The following CIMIP2A variants were observed in gnomAD, a reference collection of about 807,000 sequenced individuals.
The protein encoded by CIMIP2A is ciliary microtubule inner protein 2A.
the CIMIP2A span, chr9:137,247,680 C>T: frequency 2.3e-5 from 37 of 1,613,238 alleles, no homozygotes; most frequent in South Asian, 2.3e-4. Flanking sequence ...AGTGAGGCTC[C>T]GGCGTGAAGA....
the CIMIP2A span, chr9:137,252,756 G>A: frequency 6.4e-7 from 1 of 1,560,348 alleles, no homozygotes; most frequent in African/African-American, 1.4e-5. Context: ...ACACCTGAAG[G>A]CCACACCCAC....
At chr9:137,254,395 GGGAACA>G in the CIMIP2A span, among the ~76,000 whole-genome samples, 3 of 81,316 alleles carry the variant, frequency 3.7e-5, no homozygotes, top group African/African-American at 9.9e-5. Flanking sequence ...CCCGGCTTGT[GGGAACA>G]GGAGCTCTGC....
the CIMIP2A span, chr9:137,247,692 A>G: frequency 6.2e-7 from 1 of 1,613,248 alleles, no homozygotes; most frequent in Non-Finnish European, 8.5e-7. Flanking sequence ...GCGTGAAGAG[A>G]TCGTGTTTCT....
At chr9:137,245,042 T>C in the CIMIP2A span, 9 of 1,609,132 alleles carry the variant, frequency 5.6e-6, no homozygotes, top group East Asian at 6.7e-5. Flanking sequence ...GCAAGAACCT[T>C]GTGGGGAGGG....
the CIMIP2A span, chr9:137,253,173 G>A: frequency 1.6e-5 from 25 of 1,604,278 alleles, no homozygotes; most frequent in African/African-American, 6.7e-5. Flanking sequence ...GCTTCCCTTC[G>A]GCGCCTGGCG....
At chr9:137,252,470 G>A in the CIMIP2A span, 10 of 1,611,208 alleles carry the variant, frequency 6.2e-6, no homozygotes, top group South Asian at 1.0e-4. Context: ...CAGACTTTGT[G>A]GTTCCAGAGC....
the CIMIP2A span, chr9:137,251,842 C>T: frequency 1.2e-5 from 19 of 1,607,254 alleles, no homozygotes; most frequent in African/African-American, 9.4e-5. Flanking sequence ...AGGTTACAGA[C>T]GGGCACCCCC....
chr9:137,252,850 G>C, the CIMIP2A span: 1 of 1,578,060 alleles, frequency 6.3e-7, no homozygotes, highest in Admixed American at 1.8e-5. Flanking sequence ...CACCTGGCAA[G>C]AGATGCCCTG....
At chr9:137,243,642 C>A in the CIMIP2A span, 18 of 1,613,840 alleles carry the variant, frequency 1.1e-5, no homozygotes, top group Non-Finnish European at 1.4e-5. Flanking sequence ...CCACTGTGTG[C>A]ACTTGCTGTT....
chr9:137,254,088 T>A, the CIMIP2A span, among the ~76,000 whole-genome samples: 2 of 152,170 alleles, frequency 1.3e-5, no homozygotes, highest in African/African-American at 2.4e-5. Context: ...GCAGGAGCCT[T>A]ACCTGCGGTG....
the CIMIP2A span, chr9:137,253,133 C>A: frequency 1.3e-3 from 2,051 of 1,578,200 alleles, 4 homozygotes; most frequent in Non-Finnish European, 1.7e-3. Flanking sequence ...CCTGGCCCAG[C>A]CGCCTACCAC....
the CIMIP2A span, chr9:137,244,499 G>A: frequency 2.7e-4 from 398 of 1,498,592 alleles, 1 homozygote; most frequent in African/African-American, 4.7e-3. Context: ...CGGCACCTCC[G>A]GGGACAGGAG....
the CIMIP2A span, among the ~76,000 whole-genome samples, chr9:137,248,112 C>T: frequency 3.3e-3 from 502 of 152,346 alleles, 8 homozygotes; most frequent in African/African-American, 0.012. Flanking sequence ...AGCCTTGGCT[C>T]GAGTCAGGGG....
the CIMIP2A span, chr9:137,250,598 G>A: frequency 6.5e-6 from 1 of 153,926 alleles, no homozygotes; most frequent in Non-Finnish European, 1.4e-5. Context: ...CACACAGTGA[G>A]GGCCCTGGTG....
At chr9:137,253,248 C>T in the CIMIP2A span, 1 of 1,604,200 alleles carries the variant, frequency 6.2e-7, no homozygotes, top group African/African-American at 1.3e-5. Flanking sequence ...CGCTCTAGAG[C>T]CAGCTGGGCA....
the CIMIP2A span, among the ~76,000 whole-genome samples, chr9:137,247,362 C>G: frequency 3.9e-5 from 6 of 152,272 alleles, no homozygotes; most frequent in South Asian, 4.1e-4. Context: ...TAGCCGGCCT[C>G]TGCCGGCTGC....
the CIMIP2A span, chr9:137,253,174 G>A: frequency 6.2e-7 from 1 of 1,605,504 alleles, no homozygotes; most frequent in South Asian, 1.1e-5. Context: ...CTTCCCTTCG[G>A]CGCCTGGCGT....
At chr9:137,244,772 C>A in the CIMIP2A span, 6 of 1,604,044 alleles carry the variant, frequency 3.7e-6, no homozygotes, top group African/African-American at 8.0e-5. Context: ...ACCCCAAGCC[C>A]CCTTAGCCTT....
the CIMIP2A span, chr9:137,245,422 T>G: frequency 6.2e-7 from 1 of 1,613,448 alleles, no homozygotes; most frequent in Non-Finnish European, 8.5e-7. Flanking sequence ...GCACGGAGGG[T>G]GCGGGGTGTC....
Sources: gnomAD v4.1 joint callset for allele counts (sites outside exome capture counted in the v4.1 genomes callset) on GRCh38, gnomAD v4.1.1 for gene constraint, MANE v1.5 for transcripts, NCBI Gene and HGNC (gene_info 2026-07-23, HGNC 2026-07-21) for gene names.